Variants in HIVEP3 observed in about 807,000 individuals in gnomAD.
HIVEP3 encodes HIVEP zinc finger 3, also known as transcription factor HIVEP3.
Under a neutral mutation model 152.8 loss-of-function variants are expected in HIVEP3, and 49 were observed. The observed-to-expected ratio is 0.32, with a 90% CI of 0.26 to 0.41. HIVEP3 has a LOEUF of 0.41. Among genes scored for constraint, HIVEP3 ranks in the 10% least tolerant of loss-of-function variants. The probability of loss-of-function intolerance (pLI) is 1.00; values close to 1 mark genes in which losing one functional copy is unlikely to be tolerated. For synonymous variants in HIVEP3, 1,269 were observed against 1,289.0 expected, an observed-to-expected ratio of 0.98 and a Z score of 0.33; for missense variants, 2,790 against 3,103.3, an observed-to-expected ratio of 0.90 and a Z score of 2.40.
At chr1:41,890,833 C>T (rs1206109359) in intron 1 of HIVEP3, among the ~76,000 whole-genome samples, 3 of 152,216 alleles carry the variant, frequency 2.0e-5, no homozygotes, top group Non-Finnish European at 2.9e-5. Context: ...TCTGGGCAAG[C>T]TTCCTTATAT....
At chr1:41,605,373 G>GCACACACA (rs1482926182) in intron 3 of HIVEP3, among the ~76,000 whole-genome samples, 3 of 106,800 alleles carry the variant, frequency 2.8e-5, no homozygotes, top group Admixed American at 1.1e-4. Context: ...ACACGCACAC[G>GCACACACA]CGCACACACA....
At chr1:41,643,935 G>A (rs1645419248) in intron 2 of HIVEP3, among the ~76,000 whole-genome samples, 2 of 128,130 alleles carry the variant, frequency 1.6e-5, no homozygotes, top group African/African-American at 6.2e-5. Context: ...TGCCTAGGCT[G>A]GAGTACAACA....
intron 1 of HIVEP3, among the ~76,000 whole-genome samples, chr1:41,991,253 A>C (rs1465478209): frequency 7.6e-6 from 1 of 132,104 alleles, no homozygotes; most frequent in Non-Finnish European, 1.8e-5. Flanking sequence ...ACCGCTAGCA[A>C]GACTAATAAA....
chr1:41,791,121 TACAC>T (rs60729364), intron 1 of HIVEP3, among the ~76,000 whole-genome samples: 12,028 of 140,590 alleles, frequency 0.086, 500 homozygotes, highest in Middle Eastern at 0.19. Flanking sequence ...CACACATGTG[TACAC>T]ACACACACAC....
intron 1 of HIVEP3, among the ~76,000 whole-genome samples, chr1:41,720,673 A>G (rs1348680604): frequency 6.6e-6 from 1 of 152,242 alleles, no homozygotes; most frequent in African/African-American, 2.4e-5. Flanking sequence ...GAACTACCAT[A>G]TGATCTAGCA....
At chr1:41,966,759 G>A (rs1309701950) in intron 1 of HIVEP3, among the ~76,000 whole-genome samples, 2 of 151,738 alleles carry the variant, frequency 1.3e-5, no homozygotes, top group Non-Finnish European at 2.9e-5. Context: ...GGGATTACAG[G>A]CGTGAGCCAC....
chr1:41,824,784 T>TATATATAGAGAGAGAG (rs1553266584), intron 1 of HIVEP3, among the ~76,000 whole-genome samples: 1 of 11,392 alleles, frequency 8.8e-5, no homozygotes, highest in African/African-American at 3.3e-4. Flanking sequence ...TATATATATA[T>TATATATAGAGAGAGAG]AGAGAGAGAG....
intron 1 of HIVEP3, among the ~76,000 whole-genome samples, chr1:41,900,831 C>T (rs888026751): frequency 2.6e-5 from 4 of 152,000 alleles, no homozygotes; most frequent in South Asian, 2.1e-4. Flanking sequence ...GGGGAGTGGC[C>T]GGAGGTGAGG....
At chr1:41,635,465 A>G (rs527643951) in intron 2 of HIVEP3, among the ~76,000 whole-genome samples, 1 of 131,858 alleles carries the variant, frequency 7.6e-6, no homozygotes, top group South Asian at 2.4e-4. Context: ...AGAAAATGAC[A>G]GCAACCACAA....
chr1:41,846,480 C>T (rs573317321), intron 1 of HIVEP3, among the ~76,000 whole-genome samples: 1 of 152,332 alleles, frequency 6.6e-6, no homozygotes, highest in South Asian at 2.1e-4. Flanking sequence ...CAATGCAGGA[C>T]ACAGGCAATG....
At chr1:41,786,444 A>G (rs1305715577) in intron 1 of HIVEP3, among the ~76,000 whole-genome samples, 1 of 152,148 alleles carries the variant, frequency 6.6e-6, no homozygotes, top group Non-Finnish European at 1.5e-5. Flanking sequence ...TTTACAGTCC[A>G]TTACTGGTTG....
chr1:41,534,983 A>T (rs665223), intron 5 of HIVEP3, among the ~76,000 whole-genome samples: 52,073 of 151,980 alleles, frequency 0.34, 9,386 homozygotes, highest in Non-Finnish European at 0.4. Context: ...TAGTCCTCAT[A>T]ACCTGAGACA....
intron 5 of HIVEP3, among the ~76,000 whole-genome samples, chr1:41,551,015 T>C (rs1643888176): frequency 6.6e-6 from 1 of 152,194 alleles, no homozygotes. Context: ...TGTGGGTTTG[T>C]CATAAATAGC....
At chr1:41,900,072 C>CAT (rs1023954413) in intron 1 of HIVEP3, among the ~76,000 whole-genome samples, 11 of 152,140 alleles carry the variant, frequency 7.2e-5, no homozygotes, top group Middle Eastern at 3.2e-3. Flanking sequence ...AAATAAAATA[C>CAT]ATATATATAT....
chr1:41,631,734 C>T (rs1454450406), intron 2 of HIVEP3, among the ~76,000 whole-genome samples: 3 of 152,104 alleles, frequency 2.0e-5, no homozygotes, highest in Non-Finnish European at 4.4e-5. Flanking sequence ...TTCTGCCGTC[C>T]GAACCAGCCC....
chr1:41,510,733 G>A lies in HIVEP3; in HGVS notation c.6939C>T (p.Asp2313=). The A allele has an allele frequency of 6.4e-7, 1 of 1,556,076 alleles. No individual in the cohort carries two copies. Among genetic ancestry groups the A allele is most frequent in the Non-Finnish European group, 8.7e-7 (1 of 1,150,720 alleles). Residue 2313 remains aspartate, a synonymous_variant, in exon 9 of 9, where the codon GAC becomes GAT. Coordinates refer to ENST00000372583, the MANE Select transcript of HIVEP3 (RefSeq NM_024503.5). ...GTCCCTGGGGCGGCCGGGGCAAGGT[G>A]TCGGGTGGGGTGCAGGGGCTGTGCG... ...TPTHSPCTPP[D]TLPRPPQGRR...
intron 3 of HIVEP3, among the ~76,000 whole-genome samples, chr1:41,597,437 G>A (rs1002272377): frequency 6.6e-6 from 1 of 152,178 alleles, no homozygotes; most frequent in African/African-American, 2.4e-5. Context: ...GTGCCTAGAC[G>A]GAGCAAATGA....
rs1483247017 is a variant in HIVEP3, at chr1:41,528,155, C to T, written c.5208-3245G>A. Among the ~76,000 whole-genome samples the T allele has an allele frequency of 5.3e-4, 76 of 143,488 alleles. 1 individual carries two copies. Among genetic ancestry groups the T allele is most frequent in the African/African-American group, 1.9e-3 (74 of 38,224 alleles). 94.1% of individuals were successfully genotyped at this position (143,488 alleles called of 152,430 possible). A position where few individuals can be genotyped will look rare whatever the true frequency, so the allele number is the denominator to read the frequency against. On this transcript the variant is annotated intron_variant, in intron 5 of 8. Coordinates refer to ENST00000372583, the MANE Select transcript of HIVEP3 (RefSeq NM_024503.5). ...TTCATACTCCACACCCCTACACTCACACTTGCCCTCACACTCCACATCCCC... is the reference window on the plus strand; with the variant it reads ...TTCATACTCCACACCCCTACACTCATACTTGCCCTCACACTCCACATCCCC...
At chr1:41,861,106 T>C (rs1480550233) in intron 1 of HIVEP3, among the ~76,000 whole-genome samples, 1 of 152,322 alleles carries the variant, frequency 6.6e-6, no homozygotes, top group East Asian at 1.9e-4. Flanking sequence ...ATTCACAGCC[T>C]ATAGCACTGC....
Sources: allele counts gnomAD v4.1 joint callset (sites outside exome capture counted in the v4.1 genomes callset), GRCh38; gene constraint gnomAD v4.1.1; transcripts MANE v1.5; gene names NCBI Gene and HGNC (gene_info 2026-07-23, HGNC 2026-07-21).